The following PCNX2 variants were observed in gnomAD, a reference collection of about 807,000 sequenced individuals.
The protein encoded by PCNX2 is pecanex-like protein 2.
In PCNX2, 168 loss-of-function variants were observed where a neutral mutation model predicts 223.8. The observed-to-expected ratio is 0.75, with a 90% CI of 0.66 to 0.85. PCNX2 has a LOEUF of 0.85. PCNX2 is among the 40% of genes least tolerant of loss of function. The pLI, the probability that PCNX2 is intolerant of heterozygous loss-of-function variation, is 0.00. For synonymous variants in PCNX2, 1,006 were observed against 1,052.6 expected (o/e 0.96, Z 0.86); for missense variants, 2,507 against 2,675.5 (o/e 0.94, Z 1.39).
chr1:233,130,723 T>A (rs1417346389), intron 21 of PCNX2, among the ~76,000 whole-genome samples: 1 of 152,020 alleles, frequency 6.6e-6, no homozygotes, highest in African/African-American at 2.4e-5. Flanking sequence ...GACCTCATGA[T>A]CCGCTTGCCT....
In PCNX2 at chr1:233,072,159, T is replaced by C. The variant is rs151268964; in HGVS notation, c.4077-14869A>G. Among the ~76,000 whole-genome samples the C allele has an allele frequency of 5.0e-3, 759 of 152,348 alleles. 28 individuals are homozygous for C. In the East Asian group the frequency reaches 0.079, roughly 16 times the overall value. ...ACTCTTCAGTTTAGTTAGATTCCATTTGTCAATTTTTGCTTTTGTTGCAAT... is the reference window on the plus strand; with the variant it reads ...ACTCTTCAGTTTAGTTAGATTCCATCTGTCAATTTTTGCTTTTGTTGCAAT... On this transcript the variant is annotated intron_variant, in intron 23 of 33. Coordinates refer to ENST00000258229, the MANE Select transcript of PCNX2 (RefSeq NM_014801.4).
chr1:233,206,767 C>T (rs1681490783), intron 13 of PCNX2, among the ~76,000 whole-genome samples: 1 of 152,110 alleles, frequency 6.6e-6, no homozygotes, highest in African/African-American at 2.4e-5. Flanking sequence ...CGCCTGTAAT[C>T]CCAGCACTTT....
At chr1:233,128,217 A>G (rs139318942) in intron 21 of PCNX2, among the ~76,000 whole-genome samples, 3 of 152,266 alleles carry the variant, frequency 2.0e-5, no homozygotes, top group African/African-American at 7.2e-5. Context: ...TTTTATGTCT[A>G]ATGTATTCTG....
chr1:233,022,829 C>T (rs1218121958), intron 26 of PCNX2, among the ~76,000 whole-genome samples: 1 of 151,756 alleles, frequency 6.6e-6, no homozygotes, highest in African/African-American at 2.4e-5. Context: ...TCCCGAATAG[C>T]TGGGATTACA....
At chr1:233,251,543 T>C (rs1482670852) in intron 7 of PCNX2, among the ~76,000 whole-genome samples, 1 of 152,236 alleles carries the variant, frequency 6.6e-6, no homozygotes, top group African/African-American at 2.4e-5. Flanking sequence ...AACTCAAAGG[T>C]GTTTTCCACC....
In PCNX2 at chr1:232,990,826, A is replaced by G. The variant is rs1159950161; in HGVS notation, c.5792-4286T>C. Among the ~76,000 whole-genome samples the G allele has an allele frequency of 1.6e-4, 25 of 152,240 alleles. No individual in the cohort carries two copies. Among genetic ancestry groups the G allele is most frequent in the Non-Finnish European group, 1.0e-4 (7 of 68,016 alleles). ...CTCCCTGCCCCAAACTGGGGCCTGC[A>G]CAGGCCTCTTCCCCAGGGTCGTCTC... On this transcript the variant is annotated intron_variant, in intron 32 of 33. Transcript: ENST00000258229. This position sits in a 1 kb window ranked among gnomAD's most constrained non-coding sequence, Gnocchi z 4.3.
chr1:233,267,851 C>G (rs1248701931), intron 1 of PCNX2, among the ~76,000 whole-genome samples: 1 of 152,132 alleles, frequency 6.6e-6, no homozygotes, highest in East Asian at 1.9e-4. Context: ...ATCTGAAGCC[C>G]TGCTTTCAGT....
chr1:233,082,841 T>C (rs1288486770), intron 23 of PCNX2, among the ~76,000 whole-genome samples: 3 of 152,190 alleles, frequency 2.0e-5, no homozygotes, highest in East Asian at 3.8e-4. Flanking sequence ...TTAATACAAA[T>C]CATGAATGAA....
intron 12 of PCNX2, among the ~76,000 whole-genome samples, chr1:233,209,095 C>G (rs1218225693): frequency 6.6e-6 from 1 of 152,160 alleles, no homozygotes; most frequent in East Asian, 1.9e-4. Flanking sequence ...TTGGGTGCCA[C>G]TATTAATAAG....
rs190838004 is a variant in PCNX2, at chr1:233,122,651, G to A, written c.3837+12362C>T. Reference sequence around the variant, plus strand: ...CAATCCTCCTGCCTCAGCCTCCCAAGTAGCTGGGATTACAGGTGGCCGCCA... The same window carrying A: ...CAATCCTCCTGCCTCAGCCTCCCAAATAGCTGGGATTACAGGTGGCCGCCA... On this transcript the variant is annotated intron_variant, in intron 21 of 33. Coordinates refer to ENST00000258229, the MANE Select transcript of PCNX2 (RefSeq NM_014801.4). Among the ~76,000 whole-genome samples the A allele has an allele frequency of 2.2e-3, 335 of 151,906 alleles. 1 individual carries two copies. Among genetic ancestry groups the A allele is most frequent in the African/African-American group, 7.7e-3 (318 of 41,388 alleles).
chr1:233,164,248 A>G (rs554087743), intron 17 of PCNX2, among the ~76,000 whole-genome samples: 78 of 152,372 alleles, frequency 5.1e-4, no homozygotes, highest in Admixed American at 2.0e-3. Flanking sequence ...CCACAATGAT[A>G]TACCATCTCA....
At chr1:233,092,229 G>T (rs1673907687) in intron 22 of PCNX2, among the ~76,000 whole-genome samples, 2 of 152,204 alleles carry the variant, frequency 1.3e-5, no homozygotes, top group African/African-American at 4.8e-5. Flanking sequence ...AGGGTGTGAT[G>T]GGGCTTGCAG....
At chr1:233,290,970 T>C (rs1661728199) in intron 1 of PCNX2, 1 of 985,346 alleles carries the variant, frequency 1.0e-6, no homozygotes, top group South Asian at 4.7e-5. Flanking sequence ...CAACCCATTC[T>C]TCCCACCACT....
intron 13 of PCNX2, among the ~76,000 whole-genome samples, chr1:233,207,084 G>T (rs780950860): frequency 1.3e-5 from 2 of 152,138 alleles, no homozygotes; most frequent in Non-Finnish European, 2.9e-5. Context: ...GAAAAGATGT[G>T]TTGAGGATGC....
intron 1 of PCNX2, among the ~76,000 whole-genome samples, chr1:233,275,503 G>A (rs1396321285): frequency 1.3e-5 from 2 of 151,764 alleles, no homozygotes. Context: ...GCACCCAGCT[G>A]GAATAAATGA....
At chr1:233,125,577 C>G (rs1437738642) in intron 21 of PCNX2, among the ~76,000 whole-genome samples, 2 of 152,202 alleles carry the variant, frequency 1.3e-5, no homozygotes, top group African/African-American at 4.8e-5. Flanking sequence ...CAGGGGTGGG[C>G]AGGCAGTCCA....
At chr1:233,136,390 T>C (rs1676802151) in intron 20 of PCNX2, among the ~76,000 whole-genome samples, 1 of 152,190 alleles carries the variant, frequency 6.6e-6, no homozygotes, top group Non-Finnish European at 1.5e-5. Flanking sequence ...AAGTACAAAA[T>C]TGTCATTTTT....
intron 28 of PCNX2, among the ~76,000 whole-genome samples, chr1:233,004,759 C>T (rs1670219468): frequency 6.6e-6 from 1 of 152,184 alleles, no homozygotes; most frequent in Admixed American, 6.5e-5. Flanking sequence ...AGCATTTCAA[C>T]GTGAAATGTA....
rs775046945 is a variant in PCNX2, at chr1:233,252,685, A to G, written c.1938T>C (p.Thr646=). 2.5e-6 allele frequency: 4 copies of G among 1,613,804 alleles called. No individual in the cohort carries two copies. Among genetic ancestry groups the G allele is most frequent in the African/African-American group, 2.7e-5 (2 of 74,926 alleles). ...GCTGAGTGCATGCGGGGCCGGTGCT[A>G]GTATGGTCTTGACTTTGCAAATCTG... The part of the protein sequence containing the change: ...GKPDLQSQDH[T]STGPACTQPA... Residue 646 remains threonine, a synonymous_variant, in exon 6 of 34, where the codon ACT becomes ACC. Transcript: ENST00000258229.
Sources: gnomAD v4.1 joint callset for allele counts (sites outside exome capture counted in the v4.1 genomes callset) on GRCh38, gnomAD v4.1.1 for gene constraint, Gnocchi (gnomAD v3.1) non-coding constraint, MANE v1.5 for transcripts, NCBI Gene and HGNC (gene_info 2026-07-23, HGNC 2026-07-21) for gene names.